MROH9: variants seen among roughly 807,000 people sequenced by gnomAD.
MROH9 encodes maestro heat like repeat family member 9.
Under a neutral mutation model 98.2 loss-of-function variants are expected in MROH9, and 92 were observed. The ratio of observed to expected loss-of-function variants is 0.94; its 90% CI spans 0.79 to 1.11. The LOEUF is 1.11. MROH9 is among the 50% of genes most tolerant of loss of function. MROH9 has a pLI of 0.00. For missense variants in MROH9, 1,057 were observed against 1,014.8 expected, an observed-to-expected ratio of 1.04 and a Z score of -0.57; for synonymous variants, 397 against 368.9, an observed-to-expected ratio of 1.08 and a Z score of -0.87.
At chr1:171,027,067 A>G (rs1652737581) in intron 20 of MROH9, among the ~76,000 whole-genome samples, 1 of 152,192 alleles carries the variant, frequency 6.6e-6, no homozygotes, top group African/African-American at 2.4e-5. Flanking sequence ...AAAAACCATC[A>G]ATGAAAAATT....
At chr1:171,012,550 T>C (rs921995101) in intron 15 of MROH9, among the ~76,000 whole-genome samples, 6 of 146,084 alleles carry the variant, frequency 4.1e-5, no homozygotes, top group Admixed American at 3.5e-4. Context: ...TCACCCAGGC[T>C]AGAGTGCAGT....
At chr1:171,023,548 G>GT (rs34483195) in intron 17 of MROH9, among the ~76,000 whole-genome samples, 1 of 151,674 alleles carries the variant, frequency 6.6e-6, no homozygotes, top group Non-Finnish European at 1.5e-5. Context: ...ATTTTTCACA[G>GT]TTTTTTTAAT....
intron 15 of MROH9, among the ~76,000 whole-genome samples, chr1:171,008,709 T>C (rs1174160412): frequency 6.6e-6 from 1 of 152,200 alleles, no homozygotes; most frequent in African/African-American, 2.4e-5. Flanking sequence ...TGAGCTGTGA[T>C]TGTGCTTGTG....
At chr1:170,942,226 G>A (rs1235622739) in intron 1 of MROH9, among the ~76,000 whole-genome samples, 2 of 151,872 alleles carry the variant, frequency 1.3e-5, no homozygotes, top group Admixed American at 1.3e-4. Flanking sequence ...TGACTTTAGG[G>A]GCCTTCTGCA....
intron 7 of MROH9, among the ~76,000 whole-genome samples, chr1:170,969,845 G>C (rs1650372649): frequency 6.6e-6 from 1 of 152,072 alleles, no homozygotes; most frequent in Non-Finnish European, 1.5e-5. Context: ...ATAAAGGCAG[G>C]ATATATCATA....
Position 171,044,972 on chromosome 1 carries a change from C to CTTTTTTTTTTTTTTTTTTTTTTTT in MROH9, c.2282-17136_2282-17113dup, listed in dbSNP as rs754332732. On this transcript the variant is annotated intron_variant, in intron 20 of 21. Coordinates refer to ENST00000367759, the MANE Select transcript of MROH9 (RefSeq NM_001163629.2). The stretch of plus-strand genomic sequence containing the variant: ...CAATTCCATTTATTTCTGCTCTGAT[C>CTTTTTTTTTTTTTTTTTTTTTTTT]TTTTTTTTTTTTTTTTTTTTTTTTT... 6.8e-4 allele frequency among the ~76,000 whole-genome samples: 31 copies of CTTTTTTTTTTTTTTTTTTTTTTTT among 45,712 alleles called. 13 individuals are homozygous for CTTTTTTTTTTTTTTTTTTTTTTTT. The highest frequency in any genetic ancestry group is 9.9e-4 in the Non-Finnish European group (22 of 22,272). 30.0% of individuals were successfully genotyped at this position (45,712 alleles called of 152,430 possible).
At chr1:171,056,498 T>C (rs1653841823) in intron 20 of MROH9, among the ~76,000 whole-genome samples, 1 of 152,302 alleles carries the variant, frequency 6.6e-6, no homozygotes, top group African/African-American at 2.4e-5. Context: ...TCCCTGGGCC[T>C]GAGCCTCTAG....
At chr1:170,990,053 T>A (rs1651296492) in intron 11 of MROH9, 50 bp downstream of exon 11, 1 of 1,543,562 alleles carries the variant, frequency 6.5e-7, no homozygotes, top group Non-Finnish European at 8.8e-7. Context: ...GTTCACAGGC[T>A]GCACTGTCAG....
At position 170,962,293 on chromosome 1, in the gene MROH9, C is replaced by T. The variant is rs116046817; in HGVS notation, c.375+317C>T. ...GAGCAGTGTTAGCCTAAACTACCCT[C>T]AAGTTCACATAGCAATGAAACCATG... is the stretch of plus-strand genomic sequence containing the variant. On this transcript the variant is annotated intron_variant, in intron 6 of 21. Coordinates refer to ENST00000367759, the MANE Select transcript of MROH9 (RefSeq NM_001163629.2). 3.4e-3 allele frequency among the ~76,000 whole-genome samples: 517 copies of T among 152,264 alleles called. 1 individual carries two copies. The highest frequency in any genetic ancestry group is 0.012 in the African/African-American group (496 of 41,546).
chr1:171,014,974 T>A (rs1376391813), intron 16 of MROH9: 1 of 471,778 alleles, frequency 2.1e-6, no homozygotes, highest in Admixed American at 2.3e-5. Context: ...TTACACTGTT[T>A]CCCATTGACT....
chr1:171,059,606 A>G (rs1653951715), intron 20 of MROH9, among the ~76,000 whole-genome samples: 2 of 152,220 alleles, frequency 1.3e-5, no homozygotes, highest in Non-Finnish European at 2.9e-5. Flanking sequence ...CTATTGCAGC[A>G]TTGTAAAGTC....
intron 5 of MROH9, among the ~76,000 whole-genome samples, chr1:170,961,450 T>C (rs978756605): frequency 5.3e-5 from 8 of 152,160 alleles, no homozygotes; most frequent in East Asian, 1.9e-4. Context: ...AAATCCAACA[T>C]ATTGAATTCT....
At chr1:170,958,882 T>C (rs565637924) in intron 4 of MROH9, among the ~76,000 whole-genome samples, 6 of 152,312 alleles carry the variant, frequency 3.9e-5, no homozygotes, top group African/African-American at 1.2e-4. Context: ...CTTTGTGGAC[T>C]TGGCTGGGAA....
chr1:170,986,719 C>T lies in MROH9; in HGVS notation c.879+9C>T. 1 of 1,612,542 alleles carries T rather than the reference C, an allele frequency of 6.2e-7. No homozygotes were observed. On this transcript the variant is annotated intron_variant, in intron 10 of 21. Transcript: ENST00000367759. ...CCGAGAAGGTCACCATGGTAAGATA[C>T]TTGACAATAAGCAGGAGAGCACAGG... is the stretch of plus-strand genomic sequence containing the variant.
Position 171,063,964 on chromosome 1 carries a change from A to G in MROH9, c.2345-135A>G, listed in dbSNP as rs73040302. The G allele has an allele frequency of 3.1e-3, 2,708 of 884,286 alleles. 56 individuals carry two copies. The African/African-American group carries it at 0.043, about 14-fold the overall frequency. The allele number at this position is 884,286 out of a possible 1,614,324, so 54.8% of individuals were successfully genotyped here. ...CTGAATGCTATCAGCCAAAGTTACA[A>G]AATGCAGAGGGAATGCAGAGGAGAG... is the stretch of plus-strand genomic sequence containing the variant. On this transcript the variant is annotated intron_variant, in intron 21 of 21. Transcript: ENST00000367759.
At chr1:171,046,316 C>A (rs891005586) in intron 20 of MROH9, among the ~76,000 whole-genome samples, 4 of 152,088 alleles carry the variant, frequency 2.6e-5, no homozygotes, top group Non-Finnish European at 1.5e-5. Flanking sequence ...TTTATTAGAA[C>A]TTACTCCTGT....
intron 1 of MROH9, among the ~76,000 whole-genome samples, chr1:170,938,754 G>T (rs562887680): frequency 6.6e-6 from 1 of 152,344 alleles, no homozygotes; most frequent in African/African-American, 2.4e-5. Flanking sequence ...ATTTCAGTAA[G>T]GACAAAATGC....
intron 20 of MROH9, among the ~76,000 whole-genome samples, chr1:171,025,718 C>T (rs944000877): frequency 1.3e-5 from 2 of 152,096 alleles, no homozygotes; most frequent in Non-Finnish European, 2.9e-5. Context: ...AAAATTACTA[C>T]CCAAAGAATA....
chr1:170,947,424 G>A (rs569698902), intron 2 of MROH9, 103 bp from the exon 3 acceptor site: 14 of 891,890 alleles, frequency 1.6e-5, no homozygotes, highest in Admixed American at 8.2e-5. Flanking sequence ...GTTGGGCTTT[G>A]ACATCAAGGT....
Sources: allele counts gnomAD v4.1 joint callset (sites outside exome capture counted in the v4.1 genomes callset), GRCh38; gene constraint gnomAD v4.1.1; transcripts MANE v1.5; gene names NCBI Gene and HGNC (gene_info 2026-07-23, HGNC 2026-07-21).